CSF2RA: variants seen among roughly 807,000 people sequenced by gnomAD.
CSF2RA encodes colony stimulating factor 2 receptor subunit alpha.
CSF2RA carries 42 observed loss-of-function variants against 51.6 expected under a neutral mutation model. The ratio of observed to expected loss-of-function variants is 0.81; its 90% CI spans 0.64 to 1.05. The LOEUF (loss-of-function observed/expected upper bound fraction) is 1.05, where lower values mean the gene tolerates loss of function less well. Among genes scored for constraint, CSF2RA ranks in the 50% least tolerant of loss-of-function variants. CSF2RA has a pLI of 0.00. For synonymous variants in CSF2RA, 222 were observed against 193.0 expected, an observed-to-expected ratio of 1.15 and a Z score of -1.24; for missense variants, 530 against 501.1, an observed-to-expected ratio of 1.06 and a Z score of -0.55.
chrX:1,323,627 C>A, the CSF2RA span, among the ~76,000 whole-genome samples: 2 of 151,022 alleles, frequency 1.3e-5, no homozygotes, highest in East Asian at 4.0e-4. Context: ...CTCACACCTA[C>A]AATCCCAGCA....
intron 1 of CSF2RA, among the ~76,000 whole-genome samples, chrX:1,271,221 G>A (rs779457658): frequency 0.5 from 35,392 of 71,214 alleles, 9,979 homozygotes; most frequent in Middle Eastern, 0.62. Flanking sequence ...GCAGTGGCGC[G>A]ATCTCTGCTC....
At chrX:1,281,083 T>A (rs868177803) in intron 2 of CSF2RA, among the ~76,000 whole-genome samples, 1 of 31,114 alleles carries the variant, frequency 3.2e-5, no homozygotes, top group African/African-American at 1.1e-4. Flanking sequence ...TCCTCCTCCT[T>A]CTCCTCCTGC....
chrX:1,316,708 A>T, the CSF2RA span, among the ~76,000 whole-genome samples: 2 of 152,118 alleles, frequency 1.3e-5, no homozygotes, highest in Admixed American at 1.3e-4. Context: ...CCTGAATGAG[A>T]TCAACAGCAC....
chrX:1,282,605 T>A, intron 2 of CSF2RA, 73 bp from the exon 3 acceptor site: 1 of 1,122,462 alleles, frequency 8.9e-7, no homozygotes, highest in Non-Finnish European at 1.4e-6. Flanking sequence ...CCAAATCACC[T>A]CCCTGGGGTC....
rs750353682 is a variant in CSF2RA, at chrX:1,282,786, A to G, written c.76+7A>G. ...CTGATCCCAGAGAAATCGGGTAAGT[A>G]TGGAAACCTGGCTGAACCTTCTCCG... On this transcript the variant is annotated splice_region_variant and intron_variant, in intron 3 of 12. Coordinates refer to ENST00000381529, the MANE Select transcript of CSF2RA (RefSeq NM_172245.4). The G allele has an allele frequency of 1.8e-5, 29 of 1,612,546 alleles. No individual in the cohort carries two copies. The Admixed American group carries it at 4.8e-4, about 27-fold the overall frequency.
chrX:1,301,476 G>A (rs2082915246), intron 10 of CSF2RA, among the ~76,000 whole-genome samples: 1 of 151,620 alleles, frequency 6.6e-6, no homozygotes, highest in Non-Finnish European at 1.5e-5. Flanking sequence ...CCCACTGATA[G>A]CCCTCCTAAA....
intron 9 of CSF2RA, among the ~76,000 whole-genome samples, chrX:1,299,645 C>T (rs778535457): frequency 3.6e-4 from 55 of 152,270 alleles, no homozygotes; most frequent in African/African-American, 1.2e-3. Flanking sequence ...TAGCCAGGCA[C>T]GGTGGCTCAC....
intron 10 of CSF2RA, among the ~76,000 whole-genome samples, chrX:1,301,622 G>A (rs2082940914): frequency 7.1e-6 from 1 of 140,066 alleles, no homozygotes; most frequent in Non-Finnish European, 1.5e-5. Flanking sequence ...TTTTGAGACG[G>A]CGTTTCGCTC....
At chrX:1,271,980 G>T (rs775140656) in intron 1 of CSF2RA, among the ~76,000 whole-genome samples, 1 of 146,750 alleles carries the variant, frequency 6.8e-6, no homozygotes, top group Non-Finnish European at 1.5e-5. Flanking sequence ...TTGAGACGGA[G>T]TCTCGCTCTG....
At chrX:1,302,848 G>A (rs2083132363) in intron 10 of CSF2RA, 1 of 283,492 alleles carries the variant, frequency 3.5e-6, no homozygotes, top group Non-Finnish European at 6.3e-6. Context: ...CATGCATCAT[G>A]CTTGGCCATT....
intron 7 of CSF2RA, among the ~76,000 whole-genome samples, chrX:1,291,299 TTCCC>T (rs36109148): frequency 0.19 from 24,016 of 127,240 alleles, 2,037 homozygotes; most frequent in East Asian, 0.25. Flanking sequence ...CCTTCCTTCC[TTCCC>T]TCCCTCCCTC....
At chrX:1,288,459 G>A in intron 4 of CSF2RA, 60 bp from the exon 5 acceptor site, 1 of 1,612,580 alleles carries the variant, frequency 6.2e-7, no homozygotes, top group Admixed American at 1.7e-5. Context: ...TCCAGCCTGG[G>A]AGACTGTAGG....
intron 10 of CSF2RA, among the ~76,000 whole-genome samples, chrX:1,301,594 T>A (rs1266054996): frequency 7.5e-6 from 1 of 133,294 alleles, no homozygotes; most frequent in Admixed American, 7.9e-5. Flanking sequence ...CCTCTTTTTT[T>A]CTTTTTTTTT....
chrX:1,275,944 C>T (rs1177615310), intron 2 of CSF2RA, among the ~76,000 whole-genome samples: 1 of 151,850 alleles, frequency 6.6e-6, no homozygotes, highest in Non-Finnish European at 1.5e-5. Flanking sequence ...CTGCTCACCT[C>T]GGCCTCCCAA....
the CSF2RA span, among the ~76,000 whole-genome samples, chrX:1,315,460 G>C: frequency 1.3e-5 from 2 of 152,168 alleles, no homozygotes; most frequent in Admixed American, 6.6e-5. Flanking sequence ...CTGGAGTGCA[G>C]TGGCGCGATC....
At chrX:1,286,570 CA>C (rs751865388) in intron 4 of CSF2RA, among the ~76,000 whole-genome samples, 38,038 of 142,290 alleles carry the variant, frequency 0.27, 5,534 homozygotes, top group African/African-American at 0.41. Flanking sequence ...ACTCTGTCTC[CA>C]AAAAAAAAAA....
At chrX:1,294,514 GC>G (rs2091730042) in intron 8 of CSF2RA, 53 bp downstream of exon 8, 1 of 1,609,380 alleles carries the variant, frequency 6.2e-7, no homozygotes, top group Non-Finnish European at 8.5e-7. Context: ...TACGGGACAC[GC>G]CCGCACAGGA....
chrX:1,295,821 C>T (rs1318157299), intron 9 of CSF2RA, among the ~76,000 whole-genome samples: 2 of 146,224 alleles, frequency 1.4e-5, no homozygotes, highest in Non-Finnish European at 1.5e-5. Context: ...CCCTGCCCCA[C>T]GTCCACCTAG....
intron 2 of CSF2RA, among the ~76,000 whole-genome samples, chrX:1,280,270 G>A (rs1196481907): frequency 6.6e-6 from 1 of 151,942 alleles, no homozygotes; most frequent in African/African-American, 2.4e-5. Flanking sequence ...TCAGGAGTTC[G>A]AGCCCAGCCT....
Sources: allele counts gnomAD v4.1 joint callset (sites outside exome capture counted in the v4.1 genomes callset), GRCh38; gene constraint gnomAD v4.1.1; transcripts MANE v1.5; gene names NCBI Gene and HGNC (gene_info 2026-07-23, HGNC 2026-07-21).